AQP1: variants seen among roughly 807,000 people sequenced by gnomAD.
AQP1 encodes the protein aquaporin 1 (Colton blood group).
In AQP1, 11 loss-of-function variants were observed where a neutral mutation model predicts 19.7. The observed-to-expected ratio is 0.56, with a 90% CI of 0.35 to 0.92. The LOEUF is 0.92. Among genes scored for constraint, AQP1 ranks in the 40% least tolerant of loss-of-function variants. The pLI is 0.01. For synonymous variants in AQP1, 159 were observed against 166.7 expected (o/e 0.95, Z 0.36); for missense variants, 320 against 369.7 (o/e 0.87, Z 1.10).
intron 1 of AQP1, among the ~76,000 whole-genome samples, chr7:30,917,755 A>T (rs1449598716): frequency 6.6e-6 from 1 of 152,140 alleles, no homozygotes; most frequent in Non-Finnish European, 1.5e-5. Flanking sequence ...CAGGGTTTTC[A>T]TATTTTTCTG....
chr7:30,919,733 C>G (rs1027409551), intron 1 of AQP1, among the ~76,000 whole-genome samples: 1 of 152,118 alleles, frequency 6.6e-6, no homozygotes, highest in Non-Finnish European at 1.5e-5. Flanking sequence ...AAGTATTTTA[C>G]CTGCTCTTTC....
intron 1 of AQP1, among the ~76,000 whole-genome samples, chr7:30,913,001 TG>T (rs1791207814): frequency 6.6e-6 from 1 of 151,838 alleles, no homozygotes; most frequent in Non-Finnish European, 1.5e-5. Context: ...TGCGTGTGTG[TG>T]TGTGAAGGTG....
At chr7:30,920,033 C>A (rs1482662960) in intron 1 of AQP1, among the ~76,000 whole-genome samples, 1 of 152,196 alleles carries the variant, frequency 6.6e-6, no homozygotes, top group Non-Finnish European at 1.5e-5. Flanking sequence ...GGAACTATCA[C>A]CCTCTGCTCT....
chr7:30,921,673 TCTC>T (rs2128590552), intron 1 of AQP1: 1 of 1,550,994 alleles, frequency 6.4e-7, no homozygotes, highest in South Asian at 1.2e-5. Context: ...TTGCATCTCT[TCTC>T]CTAGGAGTGC....
chr7:30,916,655 C>T lies in AQP1; in HGVS notation c.384+4362C>T, dbSNP rs1791362204. 2.0e-5 allele frequency among the ~76,000 whole-genome samples: 3 copies of T among 152,328 alleles called. No individual in the cohort carries two copies. In the South Asian group the frequency reaches 6.2e-4, roughly 32 times the overall value. ...GGGCAGACTCTGAGGCTGAAATCTC[C>T]AACTTAAAAGATATCCGGAAAGGCC... On this transcript the variant is annotated intron_variant, in intron 1 of 3. Transcript: ENST00000311813.
Position 30,923,364 on chromosome 7 carries a change from G to A in AQP1, c.631-86G>A, listed in dbSNP as rs1487816734. 7.5e-6 allele frequency: 12 copies of A among 1,600,352 alleles called. No individual in the cohort carries two copies. Among genetic ancestry groups the A allele is most frequent in the Admixed American group, 3.4e-5 (2 of 58,840 alleles). On this transcript the variant is annotated intron_variant, in intron 3 of 3. Coordinates refer to ENST00000311813, the MANE Select transcript of AQP1 (RefSeq NM_198098.4). The surrounding 1 kb of genome is among the most constrained non-coding windows in gnomAD (Gnocchi z 4.8). ...CCCAGGTGGGAAAAACCTGTCCAACGGGGTGGTGGGCTGTGGGGTAACCTA... is the reference window on the plus strand; with the variant it reads ...CCCAGGTGGGAAAAACCTGTCCAACAGGGTGGTGGGCTGTGGGGTAACCTA...
chr7:30,914,161 C>T (rs1791251254), intron 1 of AQP1, among the ~76,000 whole-genome samples: 1 of 152,194 alleles, frequency 6.6e-6, no homozygotes, highest in Non-Finnish European at 1.5e-5. Context: ...CCCTCCCTGG[C>T]CTTCATTTTT....
chr7:30,912,635 G>A lies in AQP1; in HGVS notation c.384+342G>A, dbSNP rs1791196705. Among the ~76,000 whole-genome samples, 1 of 152,156 alleles carries A rather than the reference G, an allele frequency of 6.6e-6. No homozygotes were observed. Among genetic ancestry groups the A allele is most frequent in the South Asian group, 2.1e-4 (1 of 4,814 alleles). ...GGCCCTTCTCAGTCCTGCCTGTGCC[G>A]CCAGCTCCCTCCTCCTGCAGCCCTG... On this transcript the variant is annotated intron_variant, in intron 1 of 3. Transcript: ENST00000311813. The surrounding 1 kb of genome is among the most constrained non-coding windows in gnomAD (Gnocchi z 4.3).
intron 1 of AQP1, among the ~76,000 whole-genome samples, chr7:30,918,989 G>A (rs1791427345): frequency 6.6e-6 from 1 of 152,188 alleles, no homozygotes; most frequent in Non-Finnish European, 1.5e-5. Context: ...CGCACAGGCT[G>A]CCCTCTAGGG....
At chr7:30,919,309 G>T (rs1791435896) in intron 1 of AQP1, among the ~76,000 whole-genome samples, 1 of 152,206 alleles carries the variant, frequency 6.6e-6, no homozygotes, top group African/African-American at 2.4e-5. Context: ...CATGGTGGGT[G>T]GGAGCAGAAG....
At position 30,923,634 on chromosome 7, in the gene AQP1, G is replaced by A. The variant is rs1182099210; in HGVS notation, c.*5G>A. ...GTGGAGATGAAGCCCAAATAGAAGGGGTCTGGCCCGGGCATCCACGTAGGG... is the reference window on the plus strand; with the variant it reads ...GTGGAGATGAAGCCCAAATAGAAGGAGTCTGGCCCGGGCATCCACGTAGGG... On this transcript the variant is annotated 3_prime_UTR_variant, in exon 4 of 4. Coordinates refer to ENST00000311813, the MANE Select transcript of AQP1 (RefSeq NM_198098.4). The surrounding 1 kb of genome is among the most constrained non-coding windows in gnomAD (Gnocchi z 4.8). 2.5e-6 allele frequency: 4 copies of A among 1,609,442 alleles called. No individual in the cohort carries two copies. In the African/African-American group the frequency reaches 5.4e-5, roughly 22 times the overall value.
Position 30,916,392 on chromosome 7 carries a change from C to T in AQP1, c.384+4099C>T, listed in dbSNP as rs28362712. On this transcript the variant is annotated intron_variant, in intron 1 of 3. Transcript: ENST00000311813. ...GCCCCCACCCAGCAGGGGCCATGGC[C>T]CTTACCTTCTGGAAGCACCAATGAG... Among the ~76,000 whole-genome samples, 400 of 152,388 alleles carry T rather than the reference C, an allele frequency of 2.6e-3. 2 individuals carry two copies. Among genetic ancestry groups the T allele is most frequent in the African/African-American group, 9.3e-3 (387 of 41,602 alleles).
rs77596247 is a variant in AQP1 at position 30,912,674 on chromosome 7, C to T, written c.384+381C>T. On this transcript the variant is annotated intron_variant, in intron 1 of 3. Transcript: ENST00000311813. This position sits in a 1 kb window ranked among gnomAD's most constrained non-coding sequence, Gnocchi z 4.3. The stretch of plus-strand genomic sequence containing the variant: ...CCTGCAGCCCTGCACCCTGGGGAAA[C>T]TTTGCCCGCTGTCCCCAGCCACCCT... Among the ~76,000 whole-genome samples the T allele has an allele frequency of 0.015, 2,211 of 152,320 alleles. 64 individuals are homozygous for T. The highest frequency in any genetic ancestry group is 0.051 in the African/African-American group (2,108 of 41,558).
intron 1 of AQP1, among the ~76,000 whole-genome samples, chr7:30,919,794 T>C (rs1791451627): frequency 6.6e-6 from 1 of 152,214 alleles, no homozygotes; most frequent in Non-Finnish European, 1.5e-5. Flanking sequence ...AATTCTGAAT[T>C]ATCAAGTGTT....
intron 1 of AQP1, among the ~76,000 whole-genome samples, chr7:30,913,727 T>C (rs1473631203): frequency 6.6e-6 from 1 of 152,150 alleles, no homozygotes; most frequent in Non-Finnish European, 1.5e-5. Context: ...GCAGCCAACC[T>C]CTGCTAGGCC....
In AQP1 at chr7:30,925,447, CAT is replaced by C. The variant is rs1405674042; in HGVS notation, c.*1823_*1824del. On this transcript the variant is annotated 3_prime_UTR_variant, in exon 4 of 4. Transcript: ENST00000311813. ...CAAGGCCCTGCATCTGTCTGCTCTG[CAT>C]ATATGTCTCTTTGGAGTTGGAATTT... 1 of 152,252 alleles carries C rather than the reference CAT, an allele frequency of 6.6e-6. No homozygotes were observed. The highest frequency in any genetic ancestry group is 1.5e-5 in the Non-Finnish European group (1 of 68,052). The allele number at this position is 152,252 out of a possible 1,614,324, so 9.4% of individuals were successfully genotyped here.
intron 2 of AQP1, 139 bp downstream of exon 2, chr7:30,922,369 TG>T (rs1791541752): frequency 7.1e-7 from 1 of 1,400,810 alleles, no homozygotes; most frequent in Non-Finnish European, 9.7e-7. Context: ...CGCTGGGGGC[TG>T]GGGGCAGGGT....
chr7:30,914,545 G>A (rs569549330), intron 1 of AQP1, among the ~76,000 whole-genome samples: 1 of 152,330 alleles, frequency 6.6e-6, no homozygotes, highest in East Asian at 1.9e-4. Context: ...TCAACTCTGG[G>A]CCTAGAAATA....
chr7:30,921,201 G>A (rs1389168421), intron 1 of AQP1: 2 of 983,036 alleles, frequency 2.0e-6, no homozygotes, highest in South Asian at 4.0e-5. Flanking sequence ...AGGTGCTGGG[G>A]CTTCCTGGGG....
Sources: allele counts gnomAD v4.1 joint callset (sites outside exome capture counted in the v4.1 genomes callset), GRCh38; gene constraint gnomAD v4.1.1; non-coding constraint Gnocchi (gnomAD v3.1); transcripts MANE v1.5; gene names NCBI Gene and HGNC (gene_info 2026-07-23, HGNC 2026-07-21).